Variants in TRIM6 observed in about 807,000 individuals in gnomAD.
The protein encoded by TRIM6 is tripartite motif-containing protein 6.
A neutral mutation model predicts 51.2 loss-of-function variants in TRIM6; 43 were observed. The observed-to-expected ratio is 0.84, with a 90% confidence interval of 0.66 to 1.08. The LOEUF is 1.08. TRIM6 is among the 50% of genes least tolerant of loss of function. TRIM6 has a pLI of 0.00. For missense variants in TRIM6, 669 were observed against 619.0 expected, an observed-to-expected ratio of 1.08 and a Z score of -0.86; for synonymous variants, 215 against 232.4, an observed-to-expected ratio of 0.93 and a Z score of 0.68.
At chr11:5,606,922 G>A (rs1848244145) in intron 4 of TRIM6, among the ~76,000 whole-genome samples, 1 of 152,214 alleles carries the variant, frequency 6.6e-6, no homozygotes, top group Admixed American at 6.5e-5. Context: ...TTATAGCCAA[G>A]GCCGAGCGCG....
At chr11:5,609,131 A>C (rs1445680582) in intron 5 of TRIM6, among the ~76,000 whole-genome samples, 1 of 152,090 alleles carries the variant, frequency 6.6e-6, no homozygotes, top group African/African-American at 2.4e-5. Context: ...GGAATCAAAC[A>C]TGTTCTCTAT....
intron 4 of TRIM6, among the ~76,000 whole-genome samples, chr11:5,607,647 C>A (rs1265825834): frequency 2.6e-5 from 4 of 152,168 alleles, no homozygotes; most frequent in Non-Finnish European, 5.9e-5. Context: ...GTGAAGTGGA[C>A]TGACTTGGGC....
chr11:5,602,751 C>G (rs1590090290), intron 1 of TRIM6, among the ~76,000 whole-genome samples: 1 of 151,654 alleles, frequency 6.6e-6, no homozygotes, highest in South Asian at 2.1e-4. Context: ...GTCAGGAGTT[C>G]AAGACCACCC....
chr11:5,608,347 C>G, intron 4 of TRIM6, 25 bp from the exon 5 acceptor site: 1 of 1,613,116 alleles, frequency 6.2e-7, no homozygotes. Context: ...TACTCCTTGA[C>G]TTAACCTGTC....
At chr11:5,608,847 ATTTTTTTTTT>A (rs370630648) in intron 5 of TRIM6, among the ~76,000 whole-genome samples, 5 of 101,902 alleles carry the variant, frequency 4.9e-5, no homozygotes, top group Non-Finnish European at 9.1e-5. Flanking sequence ...TTGCCCATAA[ATTTTTTTTTT>A]TTTTTTTTTT....
Position 5,604,656 on chromosome 11 carries a change from C to T in TRIM6, c.603+27C>T, listed in dbSNP as rs376844947. The T allele has an allele frequency of 6.7e-4, 1,076 of 1,603,832 alleles. 2 individuals are homozygous for T. The highest frequency in any genetic ancestry group is 4.7e-3 in the Middle Eastern group (28 of 5,980). ...CAAGGGAGACTTTTTCTGAAGATGT[C>T]CTGGGGCAGGAATCATGGCAGGTCA... On this transcript the variant is annotated intron_variant, in intron 3 of 7. Coordinates refer to ENST00000380097, the MANE Select transcript of TRIM6 (RefSeq NM_001003818.3).
In TRIM6 at chr11:5,611,510, C is replaced by A. The variant is rs375969165; in HGVS notation, c.*168C>A. Reference sequence around the variant, plus strand: ...GCTCTGTCGCCCAGGCTGGAGTGCACTGGCGCAATCTCGGCTCACTGCAAC... The same window carrying A: ...GCTCTGTCGCCCAGGCTGGAGTGCAATGGCGCAATCTCGGCTCACTGCAAC... On this transcript the variant is annotated 3_prime_UTR_variant, in exon 8 of 8. Coordinates refer to ENST00000380097, the MANE Select transcript of TRIM6 (RefSeq NM_001003818.3). The A allele has an allele frequency of 3.2e-6, 2 of 627,720 alleles. No individual in the cohort carries two copies. Among genetic ancestry groups the A allele is most frequent in the African/African-American group, 1.8e-5 (1 of 54,354 alleles). 38.9% of individuals were successfully genotyped at this position (627,720 alleles called of 1,614,324 possible). A position where few individuals can be genotyped will look rare whatever the true frequency, so the allele number is the denominator to read the frequency against.
intron 5 of TRIM6, 122 bp downstream of exon 5, chr11:5,608,516 G>A (rs552237551): frequency 1.9e-5 from 28 of 1,444,744 alleles, no homozygotes; most frequent in African/African-American, 7.1e-5. Flanking sequence ...GTCTTGAATC[G>A]CGCATCACAT....
chr11:5,596,783 C>G lies in TRIM6; in HGVS notation c.-115C>G. On this transcript the variant is annotated 5_prime_UTR_variant, in exon 1 of 8. Transcript: ENST00000380097. ...TGCGTGGTTGAGTTTAGATAAAAGC[C>G]GAGTGAGCGCGCTCTGTTCCTTAAG... The G allele has an allele frequency of 1.9e-6, 3 of 1,545,918 alleles. No individual in the cohort carries two copies. The highest frequency in any genetic ancestry group is 2.7e-6 in the Non-Finnish European group (3 of 1,123,148).
chr11:5,609,625 T>C (rs191347912), intron 5 of TRIM6, among the ~76,000 whole-genome samples: 32 of 152,310 alleles, frequency 2.1e-4, no homozygotes, highest in Admixed American at 2.0e-3. Flanking sequence ...AATGAGACTT[T>C]AAGAAGTTAA....
intron 3 of TRIM6, chr11:5,605,105 G>A (rs1344294481): frequency 1.8e-5 from 10 of 571,368 alleles, no homozygotes; most frequent in Non-Finnish European, 3.1e-5. Flanking sequence ...AATCACAGTT[G>A]ATGTCTAGAT....
chr11:5,602,265 CT>C (rs1847910337), intron 1 of TRIM6, among the ~76,000 whole-genome samples: 1 of 140,400 alleles, frequency 7.1e-6, no homozygotes, highest in South Asian at 2.2e-4. Flanking sequence ...ACAGTGAAAC[CT>C]CATCTCTACT....
chr11:5,602,420 G>C lies in TRIM6; in HGVS notation c.18-826G>C, dbSNP rs184633811. ...ATCACGCCACTGCACTCCAGCCTGG[G>C]CGACAGAGCAAGACCCCCTAATGAG... On this transcript the variant is annotated intron_variant, in intron 1 of 7. Coordinates refer to ENST00000380097, the MANE Select transcript of TRIM6 (RefSeq NM_001003818.3). 5.3e-5 allele frequency among the ~76,000 whole-genome samples: 8 copies of C among 151,928 alleles called. No homozygotes were observed. The East Asian group carries it at 1.4e-3, about 26-fold the overall frequency.
At chr11:5,603,150 G>T in intron 1 of TRIM6, 96 bp from the exon 2 acceptor site, 2 of 1,515,206 alleles carry the variant, frequency 1.3e-6, no homozygotes, top group South Asian at 1.4e-5. Context: ...GTTACCCCAG[G>T]TGTCTGACCT....
intron 1 of TRIM6, among the ~76,000 whole-genome samples, chr11:5,602,262 A>G (rs1847909590): frequency 6.9e-6 from 1 of 145,546 alleles, no homozygotes; most frequent in Admixed American, 6.9e-5. Context: ...AACACAGTGA[A>G]ACCTCATCTC....
chr11:5,605,710 A>G, intron 4 of TRIM6, 143 bp downstream of exon 4: 1 of 1,031,626 alleles, frequency 9.7e-7, no homozygotes, highest in Non-Finnish European at 1.4e-6. Context: ...CCCCTATTAA[A>G]CTGTTTAGAG....
chr11:5,603,258 A>C lies in TRIM6; in HGVS notation c.30A>C (p.Ala10=). The change falls in exon 2 of 8, where the codon GCA becomes GCC. Residue 10 remains alanine (A), a synonymous_variant. Coordinates refer to ENST00000380097, the MANE Select transcript of TRIM6 (RefSeq NM_001003818.3). ...TTCATCTACCTAGGATTCTACAGGC[A>C]GGAAACATCTTAGAAATCAGGGTTG... MCGSERILQ[A]GNILEIRVGQ... is the part of the protein sequence containing the mutation. 1 of 1,613,688 alleles carries C rather than the reference A, an allele frequency of 6.2e-7. No homozygotes were observed. Among genetic ancestry groups the C allele is most frequent in the Non-Finnish European group, 8.5e-7 (1 of 1,179,716 alleles).
At chr11:5,596,528 TTCCCCCTTCCCCCTTCCCCC>T (rs1847464043), upstream of TRIM6, 5 of 4,866 alleles carry the variant, frequency 1.0e-3, no homozygotes, top group Admixed American at 0.013. Flanking sequence ...CCTTCCCCCC[TTCCCCCTTCCCCCTTCCCCC>T]TTCCCCCTTC....
intron 4 of TRIM6, among the ~76,000 whole-genome samples, chr11:5,607,120 C>T (rs1482997057): frequency 6.6e-6 from 1 of 152,054 alleles, no homozygotes; most frequent in Non-Finnish European, 1.5e-5. Context: ...AGGAGAATGG[C>T]GCGAACCCAG....
Sources: gnomAD v4.1 joint callset for allele counts (sites outside exome capture counted in the v4.1 genomes callset) on GRCh38, gnomAD v4.1.1 for gene constraint, MANE v1.5 for transcripts, NCBI Gene and HGNC (gene_info 2026-07-23, HGNC 2026-07-21) for gene names.